Variants in IGHMBP2 observed in about 807,000 individuals in gnomAD.
IGHMBP2 encodes DNA-binding protein SMUBP-2.
In IGHMBP2, 81 loss-of-function variants were observed where a neutral mutation model predicts 96.0. The ratio of observed to expected loss-of-function variants is 0.84; its 90% CI spans 0.71 to 1.01. The LOEUF (loss-of-function observed/expected upper bound fraction) is 1.01, where lower values mean the gene tolerates loss of function less well. IGHMBP2 is among the 50% of genes least tolerant of loss of function. The pLI is 0.00. For synonymous variants in IGHMBP2, 557 were observed against 548.9 expected, an observed-to-expected ratio of 1.01 and a Z score of -0.21; for missense variants, 1,227 against 1,306.3, an observed-to-expected ratio of 0.94 and a Z score of 0.94.
Position 68,936,860 on chromosome 11 carries a change from G to C in IGHMBP2, c.2380G>C (p.Gly794Arg), listed in dbSNP as rs953896488. Residue 794 changes from glycine to arginine, a missense_variant, in exon 13 of 15, where the codon GGA becomes CGA. Gly to Arg is a moderately radical substitution (Grantham distance 125). Around this residue, in one of 3 missense-constraint regions of IGHMBP2, gnomAD observed 703 missense variants for 770.3 expected, o/e 0.91. Coordinates refer to ENST00000255078, the MANE Select transcript of IGHMBP2 (RefSeq NM_002180.3). ...GGCCCCGCGACCCCGAGCAGCCCTGGGACCCCCAGCAGGGACCGGTGGCCC... is the reference window on the plus strand; with the variant it reads ...GGCCCCGCGACCCCGAGCAGCCCTGCGACCCCCAGCAGGGACCGGTGGCCC... ...KRAPRPRAAL[G>R]PPAGTGGPAP... The C allele has an allele frequency of 1.6e-5, 26 of 1,612,780 alleles. No homozygotes were observed. The highest frequency in any genetic ancestry group is 2.0e-5 in the Non-Finnish European group (24 of 1,179,854).
At position 68,936,536 on chromosome 11, in the gene IGHMBP2, G is replaced by T; in HGVS notation, c.2056G>T (p.Ala686Ser). Residue 686 changes from alanine (A) to serine (S), a missense_variant, in exon 13 of 15, where the codon GCT (alanine) becomes TCT (serine). Physicochemically the swap from Ala to Ser is moderately conservative, Grantham distance 99. Coordinates refer to ENST00000255078, the MANE Select transcript of IGHMBP2 (RefSeq NM_002180.3). ...GSQRQEGGQEAAAPARQGRKK... is the reference protein window; with the variant it reads ...GSQRQEGGQESAAPARQGRKK... ...CCAGCGGCAGGAGGGAGGCCAGGAGGCTGCAGCACCTGCCAGACAGGGCCG... is the reference window on the plus strand; with the variant it reads ...CCAGCGGCAGGAGGGAGGCCAGGAGTCTGCAGCACCTGCCAGACAGGGCCG... 1 of 1,612,984 alleles carries T rather than the reference G, an allele frequency of 6.2e-7. No individual in the cohort carries two copies.
intron 7 of IGHMBP2, among the ~76,000 whole-genome samples, chr11:68,925,756 C>T (rs1859042256): frequency 6.6e-6 from 1 of 152,134 alleles, no homozygotes; most frequent in Admixed American, 6.5e-5. Flanking sequence ...AGTCTTTCAG[C>T]CCTTTGGACG....
At chr11:68,905,989 C>T in intron 1 of IGHMBP2, 80 bp from the exon 2 acceptor site, 1 of 1,386,852 alleles carries the variant, frequency 7.2e-7, no homozygotes, top group Non-Finnish European at 1.0e-6. Context: ...ATCTATGTTT[C>T]TTTCTCTTTT....
intron 5 of IGHMBP2, among the ~76,000 whole-genome samples, chr11:68,913,043 C>CAAAAAAAAAAAAAAAAA (rs71043469): frequency 4.3e-4 from 16 of 37,470 alleles, no homozygotes; most frequent in Non-Finnish European, 5.9e-4. Context: ...ACTCCATCTC[C>CAAAAAAAAAAAAAAAAA]AAAAAAAAAA....
At position 68,936,549 on chromosome 11, in the gene IGHMBP2, C is replaced by T; in HGVS notation, c.2069C>T (p.Ala690Val). The T allele has an allele frequency of 1.2e-6, 2 of 1,612,540 alleles. No individual in the cohort carries two copies. The highest frequency in any genetic ancestry group is 2.2e-5 in the East Asian group (1 of 44,868). The stretch of plus-strand genomic sequence containing the variant: ...GGAGGCCAGGAGGCTGCAGCACCTG[C>T]CAGACAGGGCCGGAAGAAGCCGGCT... ...QEGGQEAAAP[A>V]RQGRKKPAGK... Residue 690 changes from alanine to valine, a missense_variant, in exon 13 of 15, where the codon GCC (alanine) becomes GTC (valine). Ala to Val is a moderately conservative substitution (Grantham distance 64, BLOSUM62 0). This residue lies in a region of IGHMBP2 where 703 missense variants were observed against 770.3 expected (regional missense o/e 0.91). Transcript: ENST00000255078.
At chr11:68,934,011 G>A (rs1859423128) in intron 10 of IGHMBP2, 98 bp downstream of exon 10, 3 of 880,490 alleles carry the variant, frequency 3.4e-6, no homozygotes, top group East Asian at 2.6e-5. Flanking sequence ...GGGAGGAGCT[G>A]AGAGCAGTTG....
Position 68,906,236 on chromosome 11 carries a change from C to T in IGHMBP2, c.254C>T (p.Ser85Phe), listed in dbSNP as rs745812844. Residue 85 changes from serine (S) to phenylalanine (F), a missense_variant and splice_region_variant, in exon 2 of 15, where the codon TCT (serine) becomes TTT (phenylalanine). Around this residue, in one of 3 missense-constraint regions of IGHMBP2, gnomAD observed 507 missense variants for 496.9 expected, o/e 1.02. Transcript: ENST00000255078. ...AAALPSNSFT[S>F]GDIVGLYDAA... Reference sequence around the variant, plus strand: ...GCTCTTCCCAGTAACAGCTTTACTTCTGGTGTGTGCGTATTGACCTAGACA... The same window carrying T: ...GCTCTTCCCAGTAACAGCTTTACTTTTGGTGTGTGCGTATTGACCTAGACA... 1.4e-5 allele frequency: 23 copies of T among 1,614,034 alleles called. No homozygotes were observed. In the Admixed American group the frequency reaches 3.8e-4, roughly 27 times the overall value.
intron 13 of IGHMBP2, 97 bp from the exon 14 acceptor site, chr11:68,938,085 T>G: frequency 1.8e-5 from 24 of 1,356,932 alleles, no homozygotes; most frequent in Non-Finnish European, 2.4e-5. Context: ...ATTACAGGTG[T>G]GAGCCACCGT....
rs754681347 is a variant in IGHMBP2, at chr11:68,911,443, C to T, written c.551C>T (p.Pro184Leu). The change falls in exon 5 of 15, where the codon CCG becomes CTG. Residue 184 changes from proline to leucine, a missense_variant. Physicochemically the swap from Pro to Leu is moderately conservative, Grantham distance 98 (BLOSUM62 -3). This residue lies in a region of IGHMBP2 where 507 missense variants were observed against 496.9 expected (regional missense o/e 1.02). Coordinates refer to ENST00000255078, the MANE Select transcript of IGHMBP2 (RefSeq NM_002180.3). ...CACGCTGCTGCTTCTTCCACAGACC[C>T]GCTGACATTCTTCAACACCTGCCTG... ...SAPSPASEIH[P>L]LTFFNTCLDT... is the part of the protein sequence containing the mutation. 36 of 1,613,634 alleles carry T rather than the reference C, an allele frequency of 2.2e-5. No homozygotes were observed. The highest frequency in any genetic ancestry group is 2.6e-5 in the Non-Finnish European group (31 of 1,179,970).
rs2154008959 is a variant in IGHMBP2 at position 68,937,081 on chromosome 11, A to AAAAGCC, written c.2606_2611dup (p.Ala869_Lys870dup). ...AGAAACTTCCAGAAAAGAAAAAGAAAAAAGCCAAAGGTAAGTCAACTAATA... is the reference window on the plus strand; with the variant it reads ...AGAAACTTCCAGAAAAGAAAAAGAAAAAAGCCAAAGCCAAAGGTAAGTCAACTAATA... On this transcript the variant is annotated inframe_insertion, in exon 13 of 15. Transcript: ENST00000255078. 4 of 1,598,316 alleles carry AAAAGCC rather than the reference A, an allele frequency of 2.5e-6. No individual in the cohort carries two copies. Among genetic ancestry groups the AAAAGCC allele is most frequent in the Non-Finnish European group, 3.4e-6 (4 of 1,179,826 alleles).
chr11:68,911,987 CGTCTG>C (rs1455007278), intron 5 of IGHMBP2, among the ~76,000 whole-genome samples: 1 of 152,204 alleles, frequency 6.6e-6, no homozygotes, highest in Non-Finnish European at 1.5e-5. Flanking sequence ...AGGAGCTCAG[CGTCTG>C]GTTGAGGTGT....
Position 68,903,989 on chromosome 11 carries a change from C to T in IGHMBP2, c.37C>T (p.Gln13Ter). The stretch of plus-strand genomic sequence containing the variant: ...AGCTGTGGAGAGCTTCGTGACCAAG[C>T]AACTGGACCTGCTGGAGCTTGAGAG... The part of the protein sequence containing the change: ...SAAVESFVTK[Q>*]LDLLELERDA... Residue 13 changes from glutamine (Q) to a stop codon, truncating the protein, a stop_gained, in exon 1 of 15, where the codon CAA becomes TAA. Transcript: ENST00000255078. LOFTEE classifies it high-confidence loss of function. The T allele has an allele frequency of 2.6e-6, 4 of 1,553,050 alleles. No homozygotes were observed. The highest frequency in any genetic ancestry group is 3.5e-6 in the Non-Finnish European group (4 of 1,148,248).
At chr11:68,931,897 G>A (rs1859319016) in intron 8 of IGHMBP2, among the ~76,000 whole-genome samples, 1 of 152,072 alleles carries the variant, frequency 6.6e-6, no homozygotes, top group Non-Finnish European at 1.5e-5. Context: ...AAGACGTTGG[G>A]TGGCGTTCCC....
intron 10 of IGHMBP2, 165 bp downstream of exon 10, chr11:68,934,078 T>A: frequency 1.5e-6 from 1 of 682,036 alleles, no homozygotes; most frequent in Non-Finnish European, 2.7e-6. Context: ...AGCATCGTTT[T>A]CTCCAGGGTG....
At chr11:68,935,525 G>C in intron 12 of IGHMBP2, 103 bp downstream of exon 12, 1 of 1,392,908 alleles carries the variant, frequency 7.2e-7, no homozygotes. Flanking sequence ...GTTTCTGGCA[G>C]TGTGCTCATG....
At chr11:68,921,394 G>C (rs1566434713) in intron 7 of IGHMBP2, among the ~76,000 whole-genome samples, 1 of 152,014 alleles carries the variant, frequency 6.6e-6, no homozygotes, top group Non-Finnish European at 1.5e-5. Flanking sequence ...CATCACTCCT[G>C]GCCTATTTTT....
In IGHMBP2 at chr11:68,917,782, G is replaced by T. The variant is rs761355302; in HGVS notation, c.959G>T (p.Arg320Leu). 1.2e-6 allele frequency: 2 copies of T among 1,613,116 alleles called. No homozygotes were observed. The highest frequency in any genetic ancestry group is 1.3e-5 in the African/African-American group (1 of 74,874). ...TQDKREKSNF[R>L]NEIKLLRKEL... ...GATAAGAGAGAGAAAAGTAATTTTC[G>T]AAATGAAATTAAGCTGTTAAGAAAA... The change falls in exon 7 of 15, where the codon CGA (arginine) becomes CTA (leucine). Residue 320 changes from arginine to leucine, a missense_variant. Physicochemically the swap from Arg to Leu is moderately radical, Grantham distance 102. Transcript: ENST00000255078.
intron 10 of IGHMBP2, 63 bp downstream of exon 10, chr11:68,933,976 A>G (rs910285697): frequency 1.7e-6 from 2 of 1,186,412 alleles, no homozygotes; most frequent in Admixed American, 4.0e-5. Flanking sequence ...TTTAAAAATA[A>G]AAGGCACTTT....
intron 4 of IGHMBP2, among the ~76,000 whole-genome samples, chr11:68,909,131 G>C (rs997853902): frequency 7.0e-6 from 1 of 142,908 alleles, no homozygotes; most frequent in South Asian, 2.2e-4. Context: ...GAGCCACCGT[G>C]CGCCTGGCCC....
Sources: allele counts gnomAD v4.1 joint callset (sites outside exome capture counted in the v4.1 genomes callset), GRCh38; gene constraint gnomAD v4.1.1; regional missense constraint gnomAD v4.1.1; transcripts MANE v1.5; gene names NCBI Gene and HGNC (gene_info 2026-07-23, HGNC 2026-07-21).